GRIP2: variants seen among roughly 807,000 people sequenced by gnomAD.
GRIP2 encodes glutamate receptor interacting protein 2, also known as glutamate receptor-interacting protein 2.
A neutral mutation model predicts 108.3 loss-of-function variants in GRIP2; 58 were observed. That is an observed-to-expected ratio of 0.54 (90% CI 0.43 to 0.67). The LOEUF (loss-of-function observed/expected upper bound fraction) is 0.67. Among genes scored for constraint, GRIP2 ranks in the 30% least tolerant of loss-of-function variants. The pLI is 0.00. For missense variants in GRIP2, 1,278 were observed against 1,430.6 expected (o/e 0.89, Z 1.72); for synonymous variants, 586 against 598.2 (o/e 0.98, Z 0.30).
chr3:14,536,848 A>G (rs939669274), intron 1 of GRIP2, among the ~76,000 whole-genome samples: 2 of 152,210 alleles, frequency 1.3e-5, no homozygotes, highest in African/African-American at 4.8e-5. Context: ...CAGGGAGAGT[A>G]GAAGCAGAAG....
intron 20 of GRIP2, among the ~76,000 whole-genome samples, chr3:14,504,110 G>C (rs1444964996): frequency 2.6e-5 from 4 of 152,126 alleles, no homozygotes; most frequent in Non-Finnish European, 4.4e-5. Flanking sequence ...TGGATGGAGA[G>C]GATGAAATAA....
chr3:14,521,817 C>A lies in GRIP2; in HGVS notation c.567-30G>T. The A allele has an allele frequency of 1.4e-5, 22 of 1,547,902 alleles. No homozygotes were observed. The highest frequency in any genetic ancestry group is 1.9e-5 in the Non-Finnish European group (22 of 1,147,248). On this transcript the variant is annotated intron_variant, in intron 6 of 23. Transcript: ENST00000621039. This position sits in a 1 kb window ranked among gnomAD's most constrained non-coding sequence, Gnocchi z 5.1. ...AGGGAAGGGCCAGTCACCAGCCTGG[C>A]CCGGCAGCAGCACTGGGCACAGCCT...
the GRIP2 span, among the ~76,000 whole-genome samples, chr3:14,561,734 C>T: frequency 6.6e-6 from 1 of 152,234 alleles, no homozygotes; most frequent in East Asian, 1.9e-4. Flanking sequence ...CCTTTTCTTC[C>T]CCACGGGCCA....
At chr3:14,559,589 T>C (rs1695287920), upstream of GRIP2, among the ~76,000 whole-genome samples, 1 of 152,048 alleles carries the variant, frequency 6.6e-6, no homozygotes. Flanking sequence ...CTCAGATGTG[T>C]CACCTCTGTC....
chr3:14,594,947 AG>A, the GRIP2 span, among the ~76,000 whole-genome samples: 2 of 152,242 alleles, frequency 1.3e-5, no homozygotes, highest in Non-Finnish European at 1.5e-5. Flanking sequence ...CCCAGGCCAA[AG>A]CACAGTGGCG....
chr3:14,520,594 G>A (rs2124918437), intron 7 of GRIP2, 57 bp from the exon 8 acceptor site: 1 of 1,570,558 alleles, frequency 6.4e-7, no homozygotes, highest in Non-Finnish European at 8.7e-7. Context: ...TTCCTCCCCA[G>A]CCTCACCCTG....
intron 21 of GRIP2, among the ~76,000 whole-genome samples, chr3:14,499,078 C>G (rs567555251): frequency 6.6e-6 from 1 of 152,298 alleles, no homozygotes; most frequent in Non-Finnish European, 1.5e-5. Flanking sequence ...AGGACTTGAA[C>G]AGGCGGGGAG....
the GRIP2 span, among the ~76,000 whole-genome samples, chr3:14,595,986 G>A: frequency 6.6e-6 from 1 of 152,370 alleles, no homozygotes; most frequent in East Asian, 1.9e-4. Context: ...GCCCCCATGA[G>A]GCTCTATATC....
rs1037202056 is a variant in GRIP2 at position 14,491,550 on chromosome 3, G to A, written c.*2115C>T. 6 of 152,314 alleles carry A rather than the reference G, an allele frequency of 3.9e-5. No individual in the cohort carries two copies. Among genetic ancestry groups the A allele is most frequent in the East Asian group, 1.9e-4 (1 of 5,178 alleles). 9.4% of individuals were successfully genotyped at this position (152,314 alleles called of 1,614,324 possible). A position where few individuals can be genotyped will look rare whatever the true frequency, so the allele number is the denominator to read the frequency against. On this transcript the variant is annotated 3_prime_UTR_variant, in exon 24 of 24. Transcript: ENST00000621039. ...AAGAAATATTGCATATGAGGAGGCCGGCATGGCTGGGAGGCCCACCGCGGG... is the reference window on the plus strand; with the variant it reads ...AAGAAATATTGCATATGAGGAGGCCAGCATGGCTGGGAGGCCCACCGCGGG...
Position 14,507,251 on chromosome 3 carries a change from AGGCACGG to A in GRIP2, c.2219-278_2219-272del. Among the ~76,000 whole-genome samples, 1 of 152,184 alleles carries A rather than the reference AGGCACGG, an allele frequency of 6.6e-6. No homozygotes were observed. Among genetic ancestry groups the A allele is most frequent in the South Asian group, 2.1e-4 (1 of 4,830 alleles). On this transcript the variant is annotated intron_variant, in intron 18 of 23. Transcript: ENST00000621039. This position sits in a 1 kb window ranked among gnomAD's most constrained non-coding sequence, Gnocchi z 4.6. ...ACTGCCTATGGTGGCCTTTCTACCA[AGGCACGG>A]GGACGTATTCAGGGGCAGCTGAGGA...
Position 14,525,540 on chromosome 3 carries a change from T to G in GRIP2, c.154A>C (p.Ile52Leu), listed in dbSNP as rs773940208. ...CCCAGCGTGCTGCCTTCTTTCTTGA[T>G]CAGCTCCACCACAGTGATCCCTCGG... is the stretch of plus-strand genomic sequence containing the variant. ...EFRGITVVEL[I>L]KKEGSTLGLT... is the part of the protein sequence containing the mutation. Residue 52 changes from isoleucine (I) to leucine (L), a missense_variant, in exon 3 of 24, where the codon ATC becomes CTC. Transcript: ENST00000621039. The G allele has an allele frequency of 3.1e-6, 5 of 1,613,744 alleles. No homozygotes were observed. In the African/African-American group the frequency reaches 4.0e-5, roughly 13 times the overall value.
the GRIP2 span, among the ~76,000 whole-genome samples, chr3:14,568,027 G>C: frequency 6.6e-6 from 1 of 152,220 alleles, no homozygotes; most frequent in Non-Finnish European, 1.5e-5. Context: ...CCAGCAAGGA[G>C]GCCAGGGCTG....
intron 1 of GRIP2, among the ~76,000 whole-genome samples, chr3:14,529,804 T>A (rs1694662134): frequency 6.6e-6 from 1 of 152,246 alleles, no homozygotes; most frequent in Admixed American, 6.5e-5. Flanking sequence ...GTGTGGTTGG[T>A]AATTGTTGGA....
At chr3:14,576,724 G>A in the GRIP2 span, among the ~76,000 whole-genome samples, 5 of 152,188 alleles carry the variant, frequency 3.3e-5, no homozygotes, top group Admixed American at 6.5e-5. Flanking sequence ...AGCACCTCGC[G>A]GGCACTATCT....
At chr3:14,562,913 G>C in the GRIP2 span, among the ~76,000 whole-genome samples, 1 of 152,168 alleles carries the variant, frequency 6.6e-6, no homozygotes, top group Non-Finnish European at 1.5e-5. Context: ...ATATCAGTGG[G>C]GAGAAAGTAC....
At chr3:14,530,407 T>G (rs1694679816) in intron 1 of GRIP2, among the ~76,000 whole-genome samples, 4 of 74,264 alleles carry the variant, frequency 5.4e-5, no homozygotes, top group Admixed American at 4.5e-4. Flanking sequence ...TTTCTCTCCA[T>G]TTTTTGAGTG....
At position 14,533,554 on chromosome 3, in the gene GRIP2, G is replaced by A. The variant is rs762372321; in HGVS notation, c.40+6715C>T. 2.8e-4 allele frequency among the ~76,000 whole-genome samples: 43 copies of A among 152,306 alleles called. No homozygotes were observed. In the Middle Eastern group the frequency reaches 0.01, roughly 36 times the overall value. ...GTAAAAACAAGTCAGAAATTCAGAC[G>A]GAGGAACAACGGCACCCCCAAGAGC... On this transcript the variant is annotated intron_variant, in intron 1 of 23. Coordinates refer to ENST00000621039, the MANE Select transcript of GRIP2 (RefSeq NM_001080423.4).
intron 10 of GRIP2, among the ~76,000 whole-genome samples, chr3:14,517,494 C>CTTT (rs146509076): frequency 1.9e-5 from 2 of 107,766 alleles, no homozygotes; most frequent in African/African-American, 7.6e-5. Context: ...ATCTCTCTCT[C>CTTT]TTTTTTTTTT....
chr3:14,595,248 G>A, the GRIP2 span, among the ~76,000 whole-genome samples: 5 of 152,110 alleles, frequency 3.3e-5, no homozygotes, highest in East Asian at 1.9e-4. Flanking sequence ...GGCTGGTCTA[G>A]AACTCCTGGC....
Sources: allele counts gnomAD v4.1 joint callset (sites outside exome capture counted in the v4.1 genomes callset), GRCh38; gene constraint gnomAD v4.1.1; non-coding constraint Gnocchi (gnomAD v3.1); transcripts MANE v1.5; gene names NCBI Gene and HGNC (gene_info 2026-07-23, HGNC 2026-07-21).